The following PPP1R12A variants were observed in gnomAD, a reference collection of about 807,000 sequenced individuals.
PPP1R12A encodes the protein myosin binding subunit.
PPP1R12A carries 19 observed loss-of-function variants against 139.6 expected under a neutral mutation model. That is an observed-to-expected ratio of 0.14 (90% CI 0.09 to 0.20). PPP1R12A has a LOEUF of 0.20. Among genes scored for constraint, PPP1R12A ranks in the 10% least tolerant of loss-of-function variants. The pLI, the probability that PPP1R12A is intolerant of heterozygous loss-of-function variation, is 1.00. For missense variants in PPP1R12A, 925 were observed against 1,211.5 expected, an observed-to-expected ratio of 0.76 and a Z score of 3.51; for synonymous variants, 427 against 420.6, an observed-to-expected ratio of 1.02 and a Z score of -0.19.
chr12:79,845,279 A>G lies in PPP1R12A; in HGVS notation c.487+23T>C, dbSNP rs1273137817. On this transcript the variant is annotated intron_variant, in intron 3 of 24. Transcript: ENST00000450142. The stretch of plus-strand genomic sequence containing the variant: ...CACATTCTTTCTAAAACATTTTTCC[A>G]TTTAGGTTGCTTTTTATTTTACCTT... 6.5e-6 allele frequency: 10 copies of G among 1,534,188 alleles called. No individual in the cohort carries two copies. The African/African-American group carries it at 1.1e-4, about 17-fold the overall frequency.
At chr12:79,926,953 T>C (rs898749043) in intron 1 of PPP1R12A, among the ~76,000 whole-genome samples, 2 of 152,070 alleles carry the variant, frequency 1.3e-5, no homozygotes, top group African/African-American at 4.8e-5. Context: ...TCCCAGCACT[T>C]TGGGAGGCTG....
chr12:79,883,488 T>A (rs1294393403), intron 1 of PPP1R12A, among the ~76,000 whole-genome samples: 1 of 152,026 alleles, frequency 6.6e-6, no homozygotes, highest in Non-Finnish European at 1.5e-5. Flanking sequence ...TAATGAAAGA[T>A]ATGAAGAGTT....
chr12:79,910,436 G>A (rs1196248899), intron 1 of PPP1R12A, among the ~76,000 whole-genome samples: 3 of 151,524 alleles, frequency 2.0e-5, no homozygotes, highest in Non-Finnish European at 4.4e-5. Context: ...AGCCGAGACG[G>A]CGCCACTGCC....
intron 2 of PPP1R12A, among the ~76,000 whole-genome samples, chr12:79,867,442 A>G (rs185368398): frequency 9.7e-4 from 147 of 152,270 alleles, no homozygotes; most frequent in Non-Finnish European, 1.7e-3. Flanking sequence ...CGTTCTGCAC[A>G]TGTAACCCAG....
At chr12:79,819,818 G>T (rs1482559923) in intron 8 of PPP1R12A, among the ~76,000 whole-genome samples, 1 of 151,892 alleles carries the variant, frequency 6.6e-6, no homozygotes, top group Admixed American at 6.6e-5. Flanking sequence ...TGTGCTTGTT[G>T]TCCCAGCTAC....
chr12:79,846,698 G>A (rs1879453351), intron 2 of PPP1R12A, among the ~76,000 whole-genome samples: 1 of 151,448 alleles, frequency 6.6e-6, no homozygotes. Flanking sequence ...CAAAGTGCTG[G>A]GATTACAGGA....
chr12:79,786,345 G>A, intron 22 of PPP1R12A, 29 bp downstream of exon 22: 1 of 1,339,576 alleles, frequency 7.5e-7, no homozygotes, highest in Middle Eastern at 1.8e-4. Context: ...CCATTACCTT[G>A]AGAGTAACAA....
At chr12:79,776,502 G>A (rs1221666791) in intron 24 of PPP1R12A, among the ~76,000 whole-genome samples, 1 of 152,056 alleles carries the variant, frequency 6.6e-6, no homozygotes, top group African/African-American at 2.4e-5. Context: ...TTCCTTAAAC[G>A]ATTCACCTAC....
chr12:79,815,248 A>G (rs1875199727), intron 9 of PPP1R12A, among the ~76,000 whole-genome samples: 1 of 152,222 alleles, frequency 6.6e-6, no homozygotes, highest in African/African-American at 2.4e-5. Context: ...CCCAAAAGAT[A>G]GAGAGCCAGT....
upstream of PPP1R12A, chr12:79,935,118 G>T: frequency 2.2e-6 from 3 of 1,367,430 alleles, no homozygotes; most frequent in Non-Finnish European, 2.8e-6. Context: ...ACCCGGCCGA[G>T]CGGACCTCCC....
chr12:79,783,343 C>G (rs1304559331), intron 22 of PPP1R12A, among the ~76,000 whole-genome samples: 2 of 150,978 alleles, frequency 1.3e-5, no homozygotes, highest in African/African-American at 4.9e-5. Context: ...GTGGCATTGC[C>G]TGTAGTCCTA....
intron 1 of PPP1R12A, among the ~76,000 whole-genome samples, chr12:79,903,785 T>C (rs967736406): frequency 3.9e-5 from 6 of 152,140 alleles, no homozygotes; most frequent in African/African-American, 9.7e-5. Context: ...TAAATATAAA[T>C]ACAATCATGA....
At chr12:79,867,023 T>C (rs1882045056) in intron 2 of PPP1R12A, among the ~76,000 whole-genome samples, 2 of 152,214 alleles carry the variant, frequency 1.3e-5, no homozygotes, top group African/African-American at 4.8e-5. Flanking sequence ...GGTACACATA[T>C]GTTTATTGCA....
Position 79,785,402 on chromosome 12 carries a change from A to C in PPP1R12A, c.2907+972T>G, listed in dbSNP as rs17005921. Among the ~76,000 whole-genome samples the C allele has an allele frequency of 5.2e-3, 799 of 152,330 alleles. 8 individuals are homozygous for C. Among genetic ancestry groups the C allele is most frequent in the African/African-American group, 0.017 (715 of 41,584 alleles). ...AGGATCTGGTAACAAGTTTAAGTTC[A>C]ACAAACAGAATGAACTTTTTTGGTT... On this transcript the variant is annotated intron_variant, in intron 22 of 24. Transcript: ENST00000450142.
chr12:79,780,479 A>G (rs1870305041), intron 23 of PPP1R12A: 1 of 152,168 alleles, frequency 6.6e-6, no homozygotes, highest in South Asian at 2.1e-4. Flanking sequence ...AAGTATCAAA[A>G]TATCAGCTAT....
rs540543488 is a variant in PPP1R12A, at chr12:79,786,243, A to G, written c.2907+131T>C. ...ACTCCAGAAAAAGTAAATCATCCAT[A>G]AACAGCATTATCTTCTATTACCAAT... On this transcript the variant is annotated intron_variant, in intron 22 of 24. Coordinates refer to ENST00000450142, the MANE Select transcript of PPP1R12A (RefSeq NM_002480.3). 3.2e-5 allele frequency: 18 copies of G among 566,080 alleles called. No individual in the cohort carries two copies. The East Asian group carries it at 5.9e-4, about 18-fold the overall frequency. The allele number at this position is 566,080 out of a possible 1,614,324, so 35.1% of individuals were successfully genotyped here. A position where few individuals can be genotyped will look rare whatever the true frequency, so the allele number is the denominator to read the frequency against.
chr12:79,809,185 T>G lies in PPP1R12A; in HGVS notation c.1456-608A>C, dbSNP rs553171065. ...TACTTGATGAGAAATTTCATCTGAATTTCTGATATAAGGAAACATTTCTAA... is the reference window on the plus strand; with the variant it reads ...TACTTGATGAGAAATTTCATCTGAAGTTCTGATATAAGGAAACATTTCTAA... On this transcript the variant is annotated intron_variant, in intron 10 of 24. Coordinates refer to ENST00000450142, the MANE Select transcript of PPP1R12A (RefSeq NM_002480.3). Among the ~76,000 whole-genome samples, 34 of 152,198 alleles carry G rather than the reference T, an allele frequency of 2.2e-4. No homozygotes were observed. The East Asian group carries it at 6.4e-3, about 28-fold the overall frequency.
chr12:79,808,616 G>T, intron 10 of PPP1R12A, 39 bp from the exon 11 acceptor site: 1 of 1,230,704 alleles, frequency 8.1e-7, no homozygotes, highest in South Asian at 1.3e-5. Flanking sequence ...AATTAATTTG[G>T]GTACTGACTA....
At chr12:79,843,197 G>C (rs778113172) in intron 3 of PPP1R12A, among the ~76,000 whole-genome samples, 7 of 151,934 alleles carry the variant, frequency 4.6e-5, no homozygotes, top group Admixed American at 1.3e-4. Context: ...CACTTGGTTT[G>C]CTTTCATCTT....
Sources: allele counts gnomAD v4.1 joint callset (sites outside exome capture counted in the v4.1 genomes callset), GRCh38; gene constraint gnomAD v4.1.1; transcripts MANE v1.5; gene names NCBI Gene and HGNC (gene_info 2026-07-23, HGNC 2026-07-21).